Variants in NRG1 observed in about 807,000 individuals in gnomAD.
NRG1 encodes the protein pro-neuregulin-1, membrane-bound isoform.
NRG1 carries 18 observed loss-of-function variants against 63.8 expected under a neutral mutation model. That is an observed-to-expected ratio of 0.28 (90% CI 0.19 to 0.42). The LOEUF is 0.42. Ranked by LOEUF, NRG1 falls within the 10% of genes least tolerant of loss-of-function variation. The pLI, the probability that NRG1 is intolerant of heterozygous loss-of-function variation, is 1.00. For synonymous variants in NRG1, 302 were observed against 301.3 expected, an observed-to-expected ratio of 1.00 and a Z score of -0.02; for missense variants, 762 against 814.7, an observed-to-expected ratio of 0.94 and a Z score of 0.79.
chr8:32,598,051 A>G (rs1843671816), intron 2 of NRG1, among the ~76,000 whole-genome samples: 1 of 152,164 alleles, frequency 6.6e-6, no homozygotes, highest in Non-Finnish European at 1.5e-5. Flanking sequence ...TGGCTGTCAA[A>G]GGATACCAGT....
At chr8:32,688,504 CATT>C (rs1269837317) in intron 5 of NRG1, among the ~76,000 whole-genome samples, 1 of 152,202 alleles carries the variant, frequency 6.6e-6, no homozygotes, top group Non-Finnish European at 1.5e-5. Context: ...ATCAAATCAT[CATT>C]ACCATTTATT....
At chr8:31,875,752 C>T (rs1829864923) in intron 1 of NRG1, among the ~76,000 whole-genome samples, 1 of 152,150 alleles carries the variant, frequency 6.6e-6, no homozygotes, top group Non-Finnish European at 1.5e-5. Flanking sequence ...GATTCTTGGC[C>T]TTGCTTTGTT....
intron 1 of NRG1, among the ~76,000 whole-genome samples, chr8:32,047,992 A>G (rs1017555215): frequency 1.3e-5 from 2 of 152,124 alleles, no homozygotes; most frequent in Non-Finnish European, 2.9e-5. Context: ...GAGTGAGATC[A>G]TGCAATATTT....
chr8:32,133,530 C>T (rs1235096383), intron 1 of NRG1, among the ~76,000 whole-genome samples: 1 of 152,030 alleles, frequency 6.6e-6, no homozygotes, highest in Non-Finnish European at 1.5e-5. Context: ...GGTTTGGATA[C>T]CTTAGTATTG....
intron 1 of NRG1, among the ~76,000 whole-genome samples, chr8:32,349,192 G>T (rs2129479412): frequency 6.6e-6 from 1 of 152,128 alleles, no homozygotes; most frequent in Non-Finnish European, 1.5e-5. Context: ...AAGATATGCT[G>T]CCAATCAGAA....
chr8:31,884,714 T>C (rs1316922829), intron 1 of NRG1, among the ~76,000 whole-genome samples: 1 of 152,170 alleles, frequency 6.6e-6, no homozygotes, highest in Non-Finnish European at 1.5e-5. Flanking sequence ...AGTTAAATCA[T>C]TGTAATTTCT....
At chr8:32,150,138 C>T (rs1054195474) in intron 1 of NRG1, among the ~76,000 whole-genome samples, 5 of 152,102 alleles carry the variant, frequency 3.3e-5, no homozygotes, top group Non-Finnish European at 7.3e-5. Flanking sequence ...GAGCAACAAA[C>T]ACTACGTAGC....
At chr8:31,863,156 A>C (rs1031506142) in intron 1 of NRG1, among the ~76,000 whole-genome samples, 2 of 152,224 alleles carry the variant, frequency 1.3e-5, no homozygotes, top group African/African-American at 2.4e-5. Flanking sequence ...CCCCTGGTAC[A>C]TAAAACAAGA....
intron 1 of NRG1, among the ~76,000 whole-genome samples, chr8:32,374,239 T>G (rs1194448201): frequency 6.6e-6 from 1 of 152,206 alleles, no homozygotes; most frequent in Non-Finnish European, 1.5e-5. Flanking sequence ...GCTGTCATTT[T>G]CCAGGAGCCA....
At position 32,372,046 on chromosome 8, in the gene NRG1, T is replaced by C. The variant is rs548378134; in HGVS notation, c.38-223782T>C. On this transcript the variant is annotated intron_variant, in intron 1 of 10. Coordinates refer to the NRG1 transcript ENST00000519301. Reference sequence around the variant, plus strand: ...CCATGTCACCCAGGCTGGAGTGCAATTGTGCGATCATGACTGACTGTGGTG... The same window carrying C: ...CCATGTCACCCAGGCTGGAGTGCAACTGTGCGATCATGACTGACTGTGGTG... Among the ~76,000 whole-genome samples the C allele has an allele frequency of 1.2e-3, 178 of 147,716 alleles. 1 individual carries two copies. The highest frequency in any genetic ancestry group is 4.3e-3 in the African/African-American group (172 of 40,262).
intron 1 of NRG1, among the ~76,000 whole-genome samples, chr8:32,590,504 A>T (rs574714740): frequency 1.3e-4 from 20 of 152,316 alleles, no homozygotes; most frequent in African/African-American, 4.8e-4. Context: ...CAGACCTTTT[A>T]TGCTTAGATA....
intron 1 of NRG1, among the ~76,000 whole-genome samples, chr8:31,902,495 A>G (rs1345752694): frequency 6.6e-6 from 1 of 152,174 alleles, no homozygotes; most frequent in Non-Finnish European, 1.5e-5. Context: ...AATACGTAAA[A>G]ATATTTAGGT....
At chr8:31,742,995 A>G (rs953402957) in intron 1 of NRG1, among the ~76,000 whole-genome samples, 3 of 151,932 alleles carry the variant, frequency 2.0e-5, no homozygotes, top group South Asian at 2.1e-4. Flanking sequence ...TTATCCATCT[A>G]CTTTCCAAAT....
At chr8:31,846,438 T>C (rs1826695156) in intron 1 of NRG1, among the ~76,000 whole-genome samples, 1 of 152,222 alleles carries the variant, frequency 6.6e-6, no homozygotes. Context: ...TACTTCTATT[T>C]ATATAATGTT....
At chr8:32,415,278 C>G (rs187804763) in intron 1 of NRG1, among the ~76,000 whole-genome samples, 2 of 150,098 alleles carry the variant, frequency 1.3e-5, no homozygotes, top group East Asian at 4.0e-4. Flanking sequence ...TGTGGTGGCA[C>G]GTGCCTGTAG....
chr8:31,875,730 C>T (rs1195956762), intron 1 of NRG1, among the ~76,000 whole-genome samples: 1 of 152,162 alleles, frequency 6.6e-6, no homozygotes, highest in Non-Finnish European at 1.5e-5. Context: ...GTTCCTGAGA[C>T]TTTCGGAGGA....
At chr8:32,084,092 A>C (rs548408576) in intron 1 of NRG1, among the ~76,000 whole-genome samples, 1 of 152,294 alleles carries the variant, frequency 6.6e-6, no homozygotes, top group South Asian at 2.1e-4. Context: ...ATTAAGACCA[A>C]TGTGAAGCAT....
intron 1 of NRG1, among the ~76,000 whole-genome samples, chr8:31,898,044 A>G (rs951123602): frequency 3.2e-4 from 49 of 150,996 alleles, no homozygotes; most frequent in African/African-American, 1.1e-3. Context: ...AAGAGAGAGA[A>G]GGAAAGAAAA....
chr8:32,520,657 C>T (rs1330309854), intron 1 of NRG1, among the ~76,000 whole-genome samples: 1 of 152,220 alleles, frequency 6.6e-6, no homozygotes, highest in Non-Finnish European at 1.5e-5. Flanking sequence ...TCAGCATAGG[C>T]TCTGTGTGAG....
Sources: gnomAD v4.1 joint callset for allele counts (sites outside exome capture counted in the v4.1 genomes callset) on GRCh38, gnomAD v4.1.1 for gene constraint, MANE v1.5 for transcripts, NCBI Gene and HGNC (gene_info 2026-07-23, HGNC 2026-07-21) for gene names.